The following HERPUD2 variants were observed in gnomAD, a reference collection of about 807,000 sequenced individuals.
HERPUD2 encodes the protein homocysteine-responsive endoplasmic reticulum-resident ubiquitin-like domain member 2 protein.
Under a neutral mutation model 49.9 loss-of-function variants are expected in HERPUD2, and 13 were observed. The observed-to-expected ratio is 0.26, with a 90% CI of 0.17 to 0.41. The LOEUF is 0.41. HERPUD2 is among the 10% of genes least tolerant of loss of function. HERPUD2 has a pLI of 1.00. For synonymous variants in HERPUD2, 172 were observed against 171.4 expected (o/e 1.00, Z -0.03); for missense variants, 449 against 492.2 (o/e 0.91, Z 0.83).
intron 5 of HERPUD2, among the ~76,000 whole-genome samples, chr7:35,659,160 T>C (rs1785353670): frequency 6.6e-6 from 1 of 152,240 alleles, no homozygotes; most frequent in Non-Finnish European, 1.5e-5. Flanking sequence ...TCAAGGTCAC[T>C]AAATTACTGC....
intron 6 of HERPUD2, among the ~76,000 whole-genome samples, chr7:35,637,145 A>T (rs2115825248): frequency 7.1e-6 from 1 of 141,720 alleles, no homozygotes; most frequent in East Asian, 2.1e-4. Context: ...AAAAAAAGAA[A>T]GAAAGAAAGA....
intron 2 of HERPUD2, among the ~76,000 whole-genome samples, chr7:35,689,242 C>G (rs1269375666): frequency 1.3e-5 from 2 of 152,140 alleles, no homozygotes; most frequent in Non-Finnish European, 2.9e-5. Context: ...AGCAGTCATT[C>G]AAAACTTTTA....
At chr7:35,645,769 C>T (rs1785043721) in intron 5 of HERPUD2, among the ~76,000 whole-genome samples, 1 of 152,170 alleles carries the variant, frequency 6.6e-6, no homozygotes, top group Admixed American at 6.5e-5. Context: ...AAAATAAACA[C>T]ACATATACAC....
intron 5 of HERPUD2, among the ~76,000 whole-genome samples, chr7:35,644,048 A>C (rs1473865450): frequency 1.3e-5 from 2 of 152,200 alleles, no homozygotes; most frequent in African/African-American, 4.8e-5. Flanking sequence ...GCATATATAC[A>C]TACAAATAAA....
chr7:35,641,190 A>T lies in HERPUD2; in HGVS notation c.495-2718T>A, dbSNP rs2115841146. On this transcript the variant is annotated intron_variant, in intron 5 of 8. Coordinates refer to ENST00000311350, the MANE Select transcript of HERPUD2 (RefSeq NM_022373.5). ...ATAGCTTTTTTAAGTTTGTTTGCCA[A>T]GGTAGAAAAGATTAAATAAAAATAT... Among the ~76,000 whole-genome samples, 5 of 152,334 alleles carry T rather than the reference A, an allele frequency of 3.3e-5. 1 individual carries two copies. The South Asian group carries it at 1.0e-3, about 32-fold the overall frequency.
intron 5 of HERPUD2, among the ~76,000 whole-genome samples, chr7:35,651,064 A>C (rs1785156450): frequency 6.6e-6 from 1 of 152,198 alleles, no homozygotes; most frequent in Admixed American, 6.5e-5. Flanking sequence ...ATGTGCATGC[A>C]CTACCTGTGG....
intron 5 of HERPUD2, among the ~76,000 whole-genome samples, chr7:35,659,366 C>T (rs1785358198): frequency 6.6e-6 from 1 of 152,332 alleles, no homozygotes; most frequent in South Asian, 2.1e-4. Context: ...CACTTATTTT[C>T]TAGCACCTAA....
rs1314183917 is a variant in HERPUD2 at position 35,674,400 on chromosome 7, TATATAGAGAGAGAGAGAGAGAGAGAG to T, written c.148-1148_148-1123del. Among the ~76,000 whole-genome samples, 60 of 60,200 alleles carry T rather than the reference TATATAGAGAGAGAGAGAGAGAGAGAG, an allele frequency of 1.0e-3. 1 individual carries two copies. Among genetic ancestry groups the T allele is most frequent in the Admixed American group, 1.4e-3 (7 of 4,872 alleles). 39.5% of individuals were successfully genotyped at this position (60,200 alleles called of 152,430 possible). On this transcript the variant is annotated intron_variant, in intron 2 of 8. Coordinates refer to ENST00000311350, the MANE Select transcript of HERPUD2 (RefSeq NM_022373.5). ...CAACCTATATATATATATATATATA[TATATAGAGAGAGAGAGAGAGAGAGAG>T]AGAGAGAGAGAGAGAGAGAGAGAGA...
chr7:35,681,143 TAAA>T (rs1470304204), intron 2 of HERPUD2, among the ~76,000 whole-genome samples: 2 of 152,232 alleles, frequency 1.3e-5, no homozygotes, highest in African/African-American at 4.8e-5. Flanking sequence ...CAAATTATGA[TAAA>T]GAAGCAATCA....
intron 2 of HERPUD2, among the ~76,000 whole-genome samples, chr7:35,685,901 C>T (rs1786030523): frequency 6.6e-6 from 1 of 151,876 alleles, no homozygotes; most frequent in African/African-American, 2.4e-5. Flanking sequence ...GCGGAGGTTG[C>T]GGTGAGCCAG....
chr7:35,675,835 C>G (rs1293848865), intron 2 of HERPUD2, among the ~76,000 whole-genome samples: 1 of 152,056 alleles, frequency 6.6e-6, no homozygotes, highest in Non-Finnish European at 1.5e-5. Context: ...TTCACAGGTG[C>G]GATCATGGTA....
In HERPUD2 at chr7:35,683,059, T is replaced by C. The variant is rs555545698; in HGVS notation, c.148-9781A>G. On this transcript the variant is annotated intron_variant, in intron 2 of 8. Coordinates refer to ENST00000311350, the MANE Select transcript of HERPUD2 (RefSeq NM_022373.5). Reference sequence around the variant, plus strand: ...ATACCACCATCATTCTTCACAGATGTAGAAAAAAAAATTCTAAAATTCATA... The same window carrying C: ...ATACCACCATCATTCTTCACAGATGCAGAAAAAAAAATTCTAAAATTCATA... Among the ~76,000 whole-genome samples, 6 of 152,096 alleles carry C rather than the reference T, an allele frequency of 3.9e-5. No homozygotes were observed. The East Asian group carries it at 9.7e-4, about 24-fold the overall frequency.
chr7:35,659,126 T>C (rs910926695), intron 5 of HERPUD2, among the ~76,000 whole-genome samples: 1 of 152,252 alleles, frequency 6.6e-6, no homozygotes, highest in Non-Finnish European at 1.5e-5. Context: ...AGAGCAGAGC[T>C]GTTTTATTTT....
At chr7:35,638,553 G>T in intron 5 of HERPUD2, 81 bp from the exon 6 acceptor site, 1 of 1,315,452 alleles carries the variant, frequency 7.6e-7, no homozygotes. Context: ...TGAACCCCAA[G>T]TCAACCATTG....
At chr7:35,657,623 A>T (rs1277305721) in intron 5 of HERPUD2, among the ~76,000 whole-genome samples, 1 of 149,804 alleles carries the variant, frequency 6.7e-6, no homozygotes, top group Non-Finnish European at 1.5e-5. Flanking sequence ...AAAAAAAAAA[A>T]AAGGCCGGGC....
chr7:35,655,482 T>A (rs1211130098), intron 5 of HERPUD2, among the ~76,000 whole-genome samples: 1 of 151,956 alleles, frequency 6.6e-6, no homozygotes, highest in Non-Finnish European at 1.5e-5. Context: ...CATATGATCA[T>A]CTCAACATCC....
intron 5 of HERPUD2, among the ~76,000 whole-genome samples, chr7:35,653,831 TAAG>T (rs1263306469): frequency 6.6e-6 from 1 of 151,760 alleles, no homozygotes; most frequent in Non-Finnish European, 1.5e-5. Context: ...AGGAAGAAAT[TAAG>T]GAGGAGATAA....
intron 2 of HERPUD2, among the ~76,000 whole-genome samples, chr7:35,692,851 G>A (rs922743347): frequency 2.6e-5 from 4 of 152,180 alleles, no homozygotes; most frequent in South Asian, 2.1e-4. Flanking sequence ...TAGATCAAGT[G>A]TCTTCCTTAA....
At chr7:35,682,507 G>C (rs1055601391) in intron 2 of HERPUD2, among the ~76,000 whole-genome samples, 3 of 151,242 alleles carry the variant, frequency 2.0e-5, no homozygotes, top group African/African-American at 7.3e-5. Flanking sequence ...ACTGGAACAA[G>C]ACAAGGATGT....
Sources: gnomAD v4.1 joint callset for allele counts (sites outside exome capture counted in the v4.1 genomes callset) on GRCh38, gnomAD v4.1.1 for gene constraint, MANE v1.5 for transcripts, NCBI Gene and HGNC (gene_info 2026-07-23, HGNC 2026-07-21) for gene names.